IPO8: variants seen among roughly 807,000 people sequenced by gnomAD.
IPO8 encodes importin-8.
IPO8 carries 65 observed loss-of-function variants against 141.2 expected under a neutral mutation model. That is an observed-to-expected ratio of 0.46 (90% CI 0.38 to 0.57). The LOEUF is 0.57. Among genes scored for constraint, IPO8 ranks in the 20% least tolerant of loss-of-function variants. The pLI is 0.00. For missense variants in IPO8, 980 were observed against 1,246.8 expected (o/e 0.79, Z 3.22); for synonymous variants, 411 against 420.3 (o/e 0.98, Z 0.27).
At chr12:30,645,744 A>T (rs1385771996) in intron 20 of IPO8, among the ~76,000 whole-genome samples, 1 of 152,196 alleles carries the variant, frequency 6.6e-6, no homozygotes, top group Non-Finnish European at 1.5e-5. Flanking sequence ...GCAATGAATT[A>T]GATAAATTAC....
chr12:30,684,576 T>C, intron 2 of IPO8, 119 bp from the exon 3 acceptor site: 1 of 927,950 alleles, frequency 1.1e-6, no homozygotes, highest in Non-Finnish European at 1.7e-6. Context: ...CAAAAATGGA[T>C]ACTCTTACAG....
intron 20 of IPO8, 62 bp from the exon 21 acceptor site, chr12:30,639,797 G>C: frequency 8.7e-7 from 1 of 1,147,120 alleles, no homozygotes; most frequent in South Asian, 1.2e-5. Context: ...TATAGAAGCT[G>C]AATATTGGCA....
At chr12:30,637,952 G>C (rs149644319) in intron 21 of IPO8, among the ~76,000 whole-genome samples, 1 of 152,126 alleles carries the variant, frequency 6.6e-6, no homozygotes, top group Non-Finnish European at 1.5e-5. Context: ...TATTCTACAG[G>C]CTTCTGTTAT....
At chr12:30,665,575 T>C (rs574801198) in intron 12 of IPO8, among the ~76,000 whole-genome samples, 154 bp downstream of exon 12, 1 of 152,340 alleles carries the variant, frequency 6.6e-6, no homozygotes, top group African/African-American at 2.4e-5. Context: ...AATTTTCTTT[T>C]TAATTAAAGA....
intron 5 of IPO8, among the ~76,000 whole-genome samples, chr12:30,678,008 C>T (rs958342622): frequency 1.1e-4 from 16 of 151,514 alleles, no homozygotes; most frequent in Non-Finnish European, 2.1e-4. Flanking sequence ...TGGTGGCAGG[C>T]GCCTGTAAAT....
At chr12:30,659,156 A>G (rs1223653718) in intron 16 of IPO8, among the ~76,000 whole-genome samples, 1 of 152,092 alleles carries the variant, frequency 6.6e-6, no homozygotes, top group African/African-American at 2.4e-5. Flanking sequence ...CTGGGATTAC[A>G]GGCATGAGCC....
chr12:30,662,540 A>G (rs1170581130), intron 14 of IPO8, 53 bp from the exon 15 acceptor site: 3 of 1,417,656 alleles, frequency 2.1e-6, no homozygotes, highest in South Asian at 2.4e-5. Flanking sequence ...CCAGATGATA[A>G]AAGGAATTAA....
Position 30,690,550 on chromosome 12 carries a change from TG to T in IPO8, c.111del (p.Ser38ValfsTer6). The T allele has an allele frequency of 1.3e-6, 2 of 1,592,164 alleles. No individual in the cohort carries two copies. The highest frequency in any genetic ancestry group is 1.7e-6 in the Non-Finnish European group (2 of 1,169,860). ...NQSYKIINFAPSLLRIIVSDH... is the reference protein window; with the variant it reads ...NQSYKIINFAXSLLRIIVSDH... ...TCAGAGACTATAATCCGAAGTAAAC[TG>T]GGGGCAAAATTGATAATCTTGTAGG... On this transcript the variant is annotated frameshift_variant, in exon 2 of 25. Coordinates refer to ENST00000256079, the MANE Select transcript of IPO8 (RefSeq NM_006390.4). LOFTEE classifies it high-confidence loss of function.
intron 6 of IPO8, among the ~76,000 whole-genome samples, chr12:30,675,829 A>T (rs1239063894): frequency 2.0e-5 from 3 of 149,536 alleles, no homozygotes; most frequent in Non-Finnish European, 3.0e-5. Context: ...GGGTGACAGA[A>T]GGAGACTCTG....
chr12:30,677,679 A>ATG (rs1219717892), intron 5 of IPO8, among the ~76,000 whole-genome samples: 1 of 152,100 alleles, frequency 6.6e-6, no homozygotes, highest in Non-Finnish European at 1.5e-5. Flanking sequence ...GCCTAGGCTA[A>ATG]TGTGTGTGTG....
At chr12:30,660,446 C>T (rs2052868857) in intron 16 of IPO8, among the ~76,000 whole-genome samples, 1 of 152,116 alleles carries the variant, frequency 6.6e-6, no homozygotes, top group Non-Finnish European at 1.5e-5. Flanking sequence ...TGACTACAAA[C>T]CCAAATGTAC....
In IPO8 at chr12:30,690,505, G is replaced by A; in HGVS notation, c.157C>T (p.Arg53Ter). Reference protein sequence around the residue: ...IVSDHVEFPVRQAAAIYLKNM... With the variant: ...IVSDHVEFPV ...TAAAAAACCAACTCACCTGCCTGTC[G>A]TACTGGGAATTCCACATGGTCAGAG... Residue 53 changes from arginine to a stop codon, truncating the protein, a stop_gained, in exon 2 of 25, where the codon CGA (arginine) becomes TGA (stop). Transcript: ENST00000256079. LOFTEE classifies it high-confidence loss of function. 6 of 1,589,400 alleles carry A rather than the reference G, an allele frequency of 3.8e-6. No individual in the cohort carries two copies. Among genetic ancestry groups the A allele is most frequent in the South Asian group, 1.1e-5 (1 of 87,978 alleles).
At chr12:30,681,846 T>C in intron 3 of IPO8, 29 bp from the exon 4 acceptor site, 1 of 1,571,940 alleles carries the variant, frequency 6.4e-7, no homozygotes, top group Non-Finnish European at 8.7e-7. Context: ...AAGTCCAAAA[T>C]CTAAGTAATT....
At chr12:30,657,611 T>C (rs2052818766) in intron 16 of IPO8, among the ~76,000 whole-genome samples, 1 of 152,218 alleles carries the variant, frequency 6.6e-6, no homozygotes, top group Non-Finnish European at 1.5e-5. Context: ...CAGCAATGTT[T>C]GTGATTACTA....
At chr12:30,657,274 T>G (rs887283680) in intron 16 of IPO8, among the ~76,000 whole-genome samples, 1 of 152,136 alleles carries the variant, frequency 6.6e-6, no homozygotes, top group Non-Finnish European at 1.5e-5. Context: ...AGAAAACAAA[T>G]GTGTTTCTTT....
chr12:30,688,592 C>A, intron 2 of IPO8: 2 of 176,002 alleles, frequency 1.1e-5, no homozygotes, highest in Middle Eastern at 2.6e-3. Flanking sequence ...ATAGATTAAA[C>A]AGAACAGAAA....
intron 21 of IPO8, among the ~76,000 whole-genome samples, chr12:30,639,045 G>A (rs2052542457): frequency 6.6e-6 from 1 of 152,032 alleles, no homozygotes; most frequent in African/African-American, 2.4e-5. Flanking sequence ...GCAGCACCTG[G>A]GCTACAAATA....
At chr12:30,669,691 A>G (rs2053021564) in intron 9 of IPO8, among the ~76,000 whole-genome samples, 3 of 151,846 alleles carry the variant, frequency 2.0e-5, no homozygotes, top group African/African-American at 4.8e-5. Context: ...TCTTGAGCCT[A>G]GGAGCTCAGG....
At chr12:30,671,445 G>A (rs952972899) in intron 8 of IPO8, among the ~76,000 whole-genome samples, 10 of 151,950 alleles carry the variant, frequency 6.6e-5, no homozygotes, top group Non-Finnish European at 1.0e-4. Flanking sequence ...AGGCCGAGGC[G>A]GGCGGATCAC....
Sources: gnomAD v4.1 joint callset for allele counts (sites outside exome capture counted in the v4.1 genomes callset) on GRCh38, gnomAD v4.1.1 for gene constraint, MANE v1.5 for transcripts, NCBI Gene and HGNC (gene_info 2026-07-23, HGNC 2026-07-21) for gene names.